HLTF: variants seen among roughly 807,000 people sequenced by gnomAD.
HLTF encodes DNA-dependent ATPase/E3 ubiquitin-protein ligase HLTF.
A neutral mutation model predicts 129.4 loss-of-function variants in HLTF; 127 were observed. The observed-to-expected ratio is 0.98, with a 90% CI of 0.85 to 1.14. The LOEUF is 1.14. Among genes scored for constraint, HLTF ranks in the 50% most tolerant of loss-of-function variants. The pLI is 0.00. For synonymous variants in HLTF, 332 were observed against 388.8 expected, an observed-to-expected ratio of 0.85 and a Z score of 1.72; for missense variants, 1,139 against 1,187.1, an observed-to-expected ratio of 0.96 and a Z score of 0.60.
At chr3:149,048,310 G>T in intron 16 of HLTF, 147 bp from the exon 17 acceptor site, 1 of 519,702 alleles carries the variant, frequency 1.9e-6, no homozygotes, top group Non-Finnish European at 3.3e-6. Context: ...ATCAAGTGTT[G>T]ACTATAATCA....
intron 17 of HLTF, among the ~76,000 whole-genome samples, chr3:149,047,641 CAAATAAATAAATACAT>C (rs970948471): frequency 2.1e-4 from 32 of 152,086 alleles, no homozygotes; most frequent in African/African-American, 7.7e-4. Context: ...GACTCCATCT[CAAATAAATAAATACAT>C]AAATAAATAA....
intron 10 of HLTF, 22 bp from the exon 11 acceptor site, chr3:149,060,880 G>T (rs1311088631): frequency 3.3e-6 from 5 of 1,536,034 alleles, no homozygotes; most frequent in Non-Finnish European, 4.5e-6. Context: ...TATACACAAA[G>T]AAATTTTTGG....
chr3:149,048,985 G>C lies in HLTF; in HGVS notation c.1634C>G (p.Pro545Arg). Residue 545 changes from proline to arginine, a missense_variant, in exon 16 of 25, where the codon CCA (proline) becomes CGA (arginine). By Grantham distance (103) the Pro-to-Arg change is moderately radical. Transcript: ENST00000310053. ...THDYGTKGDS[P>R]LHSIRWLRVI... Reference sequence around the variant, plus strand: ...TCTTAGCCACCTTATGCTATGTAATGGACTATCTCCTTTAGTCTGAAATAA... The same window carrying C: ...TCTTAGCCACCTTATGCTATGTAATCGACTATCTCCTTTAGTCTGAAATAA... 1 of 1,603,600 alleles carries C rather than the reference G, an allele frequency of 6.2e-7. No homozygotes were observed. The highest frequency in any genetic ancestry group is 8.5e-7 in the Non-Finnish European group (1 of 1,171,238).
rs1716880961 is a variant in HLTF, at chr3:149,050,304, A to G, written c.1545T>C (p.Ile515=). 6.3e-7 allele frequency: 1 copy of G among 1,599,364 alleles called. No homozygotes were observed. Among genetic ancestry groups the G allele is most frequent in the Non-Finnish European group, 8.6e-7 (1 of 1,167,414 alleles). Residue 515 remains isoleucine (I), a synonymous_variant, in exon 15 of 25, where the codon ATT becomes ATC. Coordinates refer to ENST00000310053, the MANE Select transcript of HLTF (RefSeq NM_003071.4). ...GTTTTGAAAGTAAGGCCGGTTCTCT[A>G]ATACGATCAGGACCATAATAAACAT... ...NFYVYYGPDR[I]REPALLSKQD... is the part of the protein sequence containing the mutation.
At chr3:149,047,229 C>T (rs1244783877) in intron 17 of HLTF, among the ~76,000 whole-genome samples, 2 of 151,910 alleles carry the variant, frequency 1.3e-5, no homozygotes, top group Non-Finnish European at 2.9e-5. Flanking sequence ...TGCAAAATGG[C>T]TATCACTGAG....
At position 149,075,757 on chromosome 3, in the gene HLTF, C is replaced by T; in HGVS notation, c.395+124G>A. Reference sequence around the variant, plus strand: ...GGAGAAATAAAACATTTATTTAACACGTACCAAAAGTACAGTGATAGAAAT... The same window carrying T: ...GGAGAAATAAAACATTTATTTAACATGTACCAAAAGTACAGTGATAGAAAT... On this transcript the variant is annotated intron_variant, in intron 3 of 24. Transcript: ENST00000310053. The T allele has an allele frequency of 7.6e-6, 4 of 525,910 alleles. No individual in the cohort carries two copies. The South Asian group carries it at 1.2e-4, about 16-fold the overall frequency. The allele number at this position is 525,910 out of a possible 1,614,324, so 32.6% of individuals were successfully genotyped here.
intron 10 of HLTF, chr3:149,063,053 ATC>A (rs1559872286): frequency 4.4e-6 from 2 of 456,296 alleles, no homozygotes; most frequent in South Asian, 3.1e-5. Flanking sequence ...GGTCATCTCT[ATC>A]TCTCTCTTTT....
At chr3:149,053,194 C>T (rs1276687422) in intron 14 of HLTF, among the ~76,000 whole-genome samples, 1 of 152,158 alleles carries the variant, frequency 6.6e-6, no homozygotes, top group East Asian at 1.9e-4. Flanking sequence ...AATTCTTGAT[C>T]ATTGAAATCG....
Position 149,030,251 on chromosome 3 carries a change from A to AAGAC in HLTF, c.*1965_*1968dup, listed in dbSNP as rs1248882476. 7.2e-5 allele frequency: 11 copies of AAGAC among 152,326 alleles called. No homozygotes were observed. Among genetic ancestry groups the AAGAC allele is most frequent in the Admixed American group, 3.3e-4 (5 of 15,308 alleles). The allele number at this position is 152,326 out of a possible 1,614,324, so 9.4% of individuals were successfully genotyped here. On this transcript the variant is annotated 3_prime_UTR_variant, in exon 25 of 25. Coordinates refer to ENST00000310053, the MANE Select transcript of HLTF (RefSeq NM_003071.4). Reference sequence around the variant, plus strand: ...TAAAGTTATTTTTCTATATAATAATAAGACAACAGCATAGCATATAGGAAG... The same window carrying AAGAC: ...TAAAGTTATTTTTCTATATAATAATAAGACAGACAACAGCATAGCATATAGGAAG...
chr3:149,059,084 T>A (rs1319808196), intron 13 of HLTF, among the ~76,000 whole-genome samples: 3 of 152,188 alleles, frequency 2.0e-5, no homozygotes, highest in Non-Finnish European at 4.4e-5. Flanking sequence ...TCCTTTTTCT[T>A]CACATTACTT....
intron 23 of HLTF, among the ~76,000 whole-genome samples, chr3:149,038,837 T>C (rs1715868770): frequency 6.6e-6 from 1 of 152,158 alleles, no homozygotes; most frequent in Non-Finnish European, 1.5e-5. Flanking sequence ...AATAATGGTA[T>C]CTACCTCATA....
chr3:149,073,474 G>A, intron 4 of HLTF, 152 bp from the exon 5 acceptor site: 3 of 593,468 alleles, frequency 5.1e-6, no homozygotes, highest in Non-Finnish European at 9.0e-6. Flanking sequence ...CAGGTGGTTT[G>A]CCTGAGTCCA....
At chr3:149,057,446 C>CA (rs1164552203) in intron 13 of HLTF, among the ~76,000 whole-genome samples, 1 of 151,958 alleles carries the variant, frequency 6.6e-6, no homozygotes, top group Non-Finnish European at 1.5e-5. Context: ...AACAAACAAA[C>CA]AAAAAAACAG....
chr3:149,071,771 G>A, intron 5 of HLTF, 114 bp from the exon 6 acceptor site: 2 of 701,958 alleles, frequency 2.8e-6, no homozygotes, highest in South Asian at 3.7e-5. Context: ...AACGGGCCAG[G>A]AGTGGTGGCT....
chr3:149,068,705 T>C (rs1476920824), intron 7 of HLTF, among the ~76,000 whole-genome samples: 1 of 152,252 alleles, frequency 6.6e-6, no homozygotes, highest in Non-Finnish European at 1.5e-5. Flanking sequence ...AATTCCAGTA[T>C]GCATATAATC....
intron 2 of HLTF, among the ~76,000 whole-genome samples, chr3:149,081,920 C>T (rs749806475): frequency 7.9e-5 from 12 of 152,048 alleles, no homozygotes; most frequent in Non-Finnish European, 1.2e-4. Flanking sequence ...ACCACCAAAC[C>T]CCAATTCCAG....
chr3:149,060,548 T>C, intron 12 of HLTF, 95 bp downstream of exon 12: 1 of 942,742 alleles, frequency 1.1e-6, no homozygotes, highest in Non-Finnish European at 1.6e-6. Context: ...TTAAGAGCTA[T>C]TACTAAAACA....
At chr3:149,068,438 C>G in intron 7 of HLTF, 103 bp from the exon 8 acceptor site, 1 of 584,770 alleles carries the variant, frequency 1.7e-6, no homozygotes, top group East Asian at 2.8e-5. Flanking sequence ...AAATATCATT[C>G]AAGGTCACAA....
chr3:149,056,161 A>G (rs1434849980), intron 13 of HLTF, among the ~76,000 whole-genome samples: 1 of 152,212 alleles, frequency 6.6e-6, no homozygotes, highest in Non-Finnish European at 1.5e-5. Context: ...TAAGCCATTA[A>G]ACCATCCAGC....
Sources: allele counts gnomAD v4.1 joint callset (sites outside exome capture counted in the v4.1 genomes callset), GRCh38; gene constraint gnomAD v4.1.1; transcripts MANE v1.5; gene names NCBI Gene and HGNC (gene_info 2026-07-23, HGNC 2026-07-21).